IGF1R: variants seen among roughly 807,000 people sequenced by gnomAD.
IGF1R encodes insulin like growth factor 1 receptor.
IGF1R carries 44 observed loss-of-function variants against 144.6 expected under a neutral mutation model. The ratio of observed to expected loss-of-function variants is 0.30; its 90% CI spans 0.24 to 0.39. The LOEUF is 0.39. Among genes scored for constraint, IGF1R ranks in the 10% least tolerant of loss-of-function variants. The pLI is 1.00. For missense variants in IGF1R, 1,355 were observed against 1,833.7 expected (o/e 0.74, Z 4.77); for synonymous variants, 795 against 722.8 (o/e 1.10, Z -1.60).
chr15:98,903,178 T>A (rs1290705789), intron 5 of IGF1R, among the ~76,000 whole-genome samples: 2 of 152,214 alleles, frequency 1.3e-5, no homozygotes, highest in Non-Finnish European at 2.9e-5. Flanking sequence ...ATTTTTAAGC[T>A]CTTGAGTAAG....
chr15:98,736,296 T>A, intron 2 of IGF1R, among the ~76,000 whole-genome samples: 1 of 152,230 alleles, frequency 6.6e-6, no homozygotes, highest in Admixed American at 6.5e-5. Flanking sequence ...GTTAATATTA[T>A]CAATTTAACA....
At chr15:98,881,306 T>A in intron 2 of IGF1R, among the ~76,000 whole-genome samples, 1 of 151,972 alleles carries the variant, frequency 6.6e-6, no homozygotes, top group African/African-American at 2.4e-5. Flanking sequence ...TTTATTATTT[T>A]TAAAATATTC....
At chr15:98,892,043 C>G (rs2013950024) in intron 3 of IGF1R, among the ~76,000 whole-genome samples, 1 of 152,130 alleles carries the variant, frequency 6.6e-6, no homozygotes, top group South Asian at 2.1e-4. Flanking sequence ...AAAAGACATG[C>G]TAAGCCCCCA....
chr15:98,900,260 T>C (rs1430073068), intron 5 of IGF1R, among the ~76,000 whole-genome samples: 1 of 152,254 alleles, frequency 6.6e-6, no homozygotes, highest in Admixed American at 6.5e-5. Flanking sequence ...GCACAATTGC[T>C]TTCCAGCCGT....
intron 2 of IGF1R, among the ~76,000 whole-genome samples, chr15:98,850,514 G>A (rs984304868): frequency 1.3e-5 from 2 of 152,198 alleles, no homozygotes; most frequent in African/African-American, 2.4e-5. Context: ...CCATGTCCTC[G>A]GAAGATGGCA....
intron 2 of IGF1R, among the ~76,000 whole-genome samples, chr15:98,815,670 A>G (rs2056681900): frequency 6.6e-6 from 1 of 152,350 alleles, no homozygotes; most frequent in South Asian, 2.1e-4. Flanking sequence ...GATAGGGTCC[A>G]TCTGGTCCAA....
intron 1 of IGF1R, among the ~76,000 whole-genome samples, chr15:98,690,000 G>A (rs1221277705): frequency 2.6e-5 from 4 of 152,140 alleles, no homozygotes; most frequent in South Asian, 2.1e-4. Flanking sequence ...GAGCAAGTAA[G>A]GAATGAACTT....
At position 98,930,370 on chromosome 15, in the gene IGF1R, G is replaced by A. The variant is rs1356143445; in HGVS notation, c.2956+65G>A. 2.9e-5 allele frequency: 34 copies of A among 1,174,546 alleles called. No individual in the cohort carries two copies. In the East Asian group the frequency reaches 6.0e-4, roughly 21 times the overall value. 72.8% of individuals were successfully genotyped at this position (1,174,546 alleles called of 1,614,324 possible). On this transcript the variant is annotated intron_variant, in intron 15 of 20. Transcript: ENST00000650285. ...AGGTAGATCGGGAGCTTTCAGGAGGGTTGCTAATTTGGGAAAGGAAGGAGG... is the reference window on the plus strand; with the variant it reads ...AGGTAGATCGGGAGCTTTCAGGAGGATTGCTAATTTGGGAAAGGAAGGAGG...
At chr15:98,813,844 G>T (rs1437010083) in intron 2 of IGF1R, among the ~76,000 whole-genome samples, 2 of 152,162 alleles carry the variant, frequency 1.3e-5, no homozygotes, top group Admixed American at 1.3e-4. Flanking sequence ...GATGAAGTGG[G>T]CTGAAGACAC....
intron 2 of IGF1R, among the ~76,000 whole-genome samples, chr15:98,777,342 G>A (rs770371328): frequency 9.2e-5 from 14 of 152,232 alleles, no homozygotes; most frequent in Admixed American, 2.0e-4. Context: ...AAGTTGAGAC[G>A]CTGTTTGTTA....
chr15:98,843,278 C>T (rs2011208557), intron 2 of IGF1R, among the ~76,000 whole-genome samples: 1 of 152,088 alleles, frequency 6.6e-6, no homozygotes, highest in African/African-American at 2.4e-5. Flanking sequence ...TAGTGAAATT[C>T]CCACCTAATG....
chr15:98,913,342 C>CTT, intron 8 of IGF1R, 60 bp downstream of exon 8: 1 of 1,310,654 alleles, frequency 7.6e-7, no homozygotes, highest in Non-Finnish European at 1.1e-6. Flanking sequence ...ACTGGCCTTG[C>CTT]TTGTACCAGG....
intron 2 of IGF1R, among the ~76,000 whole-genome samples, chr15:98,782,707 A>G (rs984507445): frequency 1.3e-5 from 2 of 152,234 alleles, no homozygotes; most frequent in African/African-American, 4.8e-5. Flanking sequence ...TAACTCTGCA[A>G]TAAACGTGTC....
intron 2 of IGF1R, among the ~76,000 whole-genome samples, chr15:98,759,917 C>T (rs1268385603): frequency 2.0e-5 from 3 of 152,286 alleles, no homozygotes; most frequent in East Asian, 1.9e-4. Flanking sequence ...CCCGTGGTAC[C>T]GTGAGACTTC....
intron 6 of IGF1R, 114 bp downstream of exon 6, chr15:98,909,013 A>G (rs2014865167): frequency 2.8e-5 from 24 of 870,776 alleles, no homozygotes; most frequent in South Asian, 2.4e-4. Flanking sequence ...CACATGGGGG[A>G]CCACTAGACC....
At chr15:98,894,498 C>G (rs1373032921) in intron 3 of IGF1R, among the ~76,000 whole-genome samples, 2 of 152,228 alleles carry the variant, frequency 1.3e-5, no homozygotes, top group Non-Finnish European at 2.9e-5. Flanking sequence ...TAAAAAGGAA[C>G]AAACCATTGA....
chr15:98,654,426 A>G (rs986009612), intron 1 of IGF1R, among the ~76,000 whole-genome samples: 3 of 152,204 alleles, frequency 2.0e-5, no homozygotes, highest in Non-Finnish European at 4.4e-5. Context: ...AGTTTTCTGG[A>G]TTACATATTG....
intron 2 of IGF1R, among the ~76,000 whole-genome samples, chr15:98,821,281 CCT>C (rs765119698): frequency 0.011 from 1,510 of 138,688 alleles, 33 homozygotes; most frequent in African/African-American, 0.038. Flanking sequence ...TTTAAACACG[CCT>C]CCCCCCCCCC....
At chr15:98,886,572 A>T (rs1390780637) in intron 2 of IGF1R, among the ~76,000 whole-genome samples, 1 of 151,990 alleles carries the variant, frequency 6.6e-6, no homozygotes, top group East Asian at 1.9e-4. Context: ...CTTTAATCGC[A>T]CTCAGTGTGT....
Sources: gnomAD v4.1 joint callset for allele counts (sites outside exome capture counted in the v4.1 genomes callset) on GRCh38, gnomAD v4.1.1 for gene constraint, MANE v1.5 for transcripts, NCBI Gene and HGNC (gene_info 2026-07-23, HGNC 2026-07-21) for gene names.